ZNF385B: variants seen among roughly 807,000 people sequenced by gnomAD.
ZNF385B encodes zinc finger protein 385B.
ZNF385B carries 23 observed loss-of-function variants against 39.2 expected under a neutral mutation model. The observed-to-expected ratio is 0.59, with a 90% CI of 0.42 to 0.83. ZNF385B has a LOEUF of 0.83. Ranked by LOEUF, ZNF385B falls within the 40% of genes least tolerant of loss-of-function variation. The probability of loss-of-function intolerance (pLI) is 0.00; values close to 1 mark genes in which losing one functional copy is unlikely to be tolerated. For synonymous variants in ZNF385B, 205 were observed against 222.6 expected (o/e 0.92, Z 0.70); for missense variants, 552 against 598.9 (o/e 0.92, Z 0.82).
intron 3 of ZNF385B, among the ~76,000 whole-genome samples, chr2:179,548,545 A>G (rs1278933012): frequency 4.0e-5 from 6 of 149,556 alleles, no homozygotes; most frequent in Non-Finnish European, 5.9e-5. Context: ...CCATTTTCAT[A>G]CTGCTATGAA....
chr2:179,761,175 C>A (rs1703362127), intron 3 of ZNF385B, among the ~76,000 whole-genome samples: 1 of 152,130 alleles, frequency 6.6e-6, no homozygotes, highest in Non-Finnish European at 1.5e-5. Context: ...AGAGAGATCC[C>A]TCCTTTTTTC....
At chr2:179,614,439 T>C (rs1314746793) in intron 3 of ZNF385B, among the ~76,000 whole-genome samples, 1 of 152,246 alleles carries the variant, frequency 6.6e-6, no homozygotes, top group African/African-American at 2.4e-5. Context: ...TTTGTAGTCA[T>C]AATGAACATT....
chr2:179,524,494 G>C (rs902789819), intron 4 of ZNF385B, among the ~76,000 whole-genome samples: 12 of 138,750 alleles, frequency 8.6e-5, no homozygotes, highest in African/African-American at 3.0e-4. Flanking sequence ...AGAGCTTGCA[G>C]TGAGCCGAGA....
At position 179,720,718 on chromosome 2, in the gene ZNF385B, T is replaced by G. The variant is rs188702088; in HGVS notation, c.298+48785A>C. On this transcript the variant is annotated intron_variant, in intron 3 of 9. Coordinates refer to ENST00000410066, the MANE Select transcript of ZNF385B (RefSeq NM_152520.6). ...AACATAAAAGCATAACAAAGTTATATGCTCTTTATAAGAAATATAAAAGAA... is the reference window on the plus strand; with the variant it reads ...AACATAAAAGCATAACAAAGTTATAGGCTCTTTATAAGAAATATAAAAGAA... 5.0e-4 allele frequency among the ~76,000 whole-genome samples: 76 copies of G among 152,262 alleles called. 1 individual carries two copies. The highest frequency in any genetic ancestry group is 1.7e-3 in the African/African-American group (69 of 41,552).
chr2:179,554,398 G>A (rs2060775996), intron 3 of ZNF385B, among the ~76,000 whole-genome samples: 1 of 149,046 alleles, frequency 6.7e-6, no homozygotes, highest in South Asian at 2.2e-4. Flanking sequence ...GGGTATATAT[G>A]GAAGAATGGT....
At chr2:179,834,742 G>T (rs1339777858) in intron 1 of ZNF385B, among the ~76,000 whole-genome samples, 3 of 152,120 alleles carry the variant, frequency 2.0e-5, no homozygotes, top group African/African-American at 7.2e-5. Context: ...AAGAGAAAAA[G>T]ATATCTTTAC....
intron 3 of ZNF385B, among the ~76,000 whole-genome samples, chr2:179,665,338 T>C (rs1172637668): frequency 6.6e-6 from 1 of 152,258 alleles, no homozygotes; most frequent in South Asian, 2.1e-4. Context: ...TGCATCCATA[T>C]AGATGAGCAT....
In ZNF385B at chr2:179,442,793, T is replaced by C. The variant is rs567732713; in HGVS notation, c.*457A>G. ...AGTAAGCACTTGTGTTCACTGTTTT[T>C]TGTTCCACACTAGAATACACCCAGT... On this transcript the variant is annotated 3_prime_UTR_variant, in exon 10 of 10. Coordinates refer to ENST00000410066, the MANE Select transcript of ZNF385B (RefSeq NM_152520.6). The C allele has an allele frequency of 2.5e-4, 59 of 232,896 alleles. 1 individual carries two copies. The East Asian group carries it at 7.2e-3, about 28-fold the overall frequency. The allele number at this position is 232,896 out of a possible 1,614,324, so 14.4% of individuals were successfully genotyped here.
At chr2:179,751,833 T>C (rs1702694692) in intron 3 of ZNF385B, among the ~76,000 whole-genome samples, 1 of 152,124 alleles carries the variant, frequency 6.6e-6, no homozygotes, top group Non-Finnish European at 1.5e-5. Context: ...ACCCAGGTTT[T>C]ATTACCCTTA....
Position 179,483,426 on chromosome 2 carries a change from G to A in ZNF385B, c.561C>T (p.Ala187=), listed in dbSNP as rs144489648. The change falls in exon 6 of 10, where the codon GCC becomes GCT. Residue 187 remains alanine, a synonymous_variant. Transcript: ENST00000410066. ...GTTTACTTCCTTTGTAGTGGGCCTC[G>A]GCCTGGCTCTACAAAGGAGAACAAA... ...CQLRFNSDSQ[A]EAHYKGSKHA... is the part of the protein sequence containing the mutation. The A allele has an allele frequency of 1.2e-4, 194 of 1,613,778 alleles. No homozygotes were observed. In the African/African-American group the frequency reaches 2.3e-3, roughly 19 times the overall value.
intron 5 of ZNF385B, among the ~76,000 whole-genome samples, chr2:179,515,433 G>C (rs1268739238): frequency 6.6e-6 from 1 of 152,164 alleles, no homozygotes; most frequent in Non-Finnish European, 1.5e-5. Flanking sequence ...GAGAATGCCA[G>C]TGTTAAAGAT....
intron 3 of ZNF385B, among the ~76,000 whole-genome samples, chr2:179,567,997 C>G (rs1365739385): frequency 4.6e-5 from 7 of 152,164 alleles, no homozygotes; most frequent in Non-Finnish European, 7.4e-5. Context: ...TCATGTCACT[C>G]CAGTGGAACA....
intron 1 of ZNF385B, among the ~76,000 whole-genome samples, chr2:179,772,125 C>A (rs1361529956): frequency 6.6e-6 from 1 of 152,202 alleles, no homozygotes; most frequent in East Asian, 1.9e-4. Flanking sequence ...AAAAATAAAG[C>A]CATGTTACCT....
At chr2:179,675,384 T>C (rs371742282) in intron 3 of ZNF385B, among the ~76,000 whole-genome samples, 1 of 152,234 alleles carries the variant, frequency 6.6e-6, no homozygotes, top group Non-Finnish European at 1.5e-5. Context: ...AGTGGACCCA[T>C]GCAGTCCTAT....
chr2:179,687,132 G>A (rs942854004), intron 3 of ZNF385B, among the ~76,000 whole-genome samples: 29 of 151,506 alleles, frequency 1.9e-4, no homozygotes, highest in African/African-American at 7.0e-4. Flanking sequence ...ACTAAGAGCT[G>A]TCAAGAATAC....
chr2:179,493,354 T>C (rs1012929381), intron 5 of ZNF385B, among the ~76,000 whole-genome samples: 1 of 138,750 alleles, frequency 7.2e-6, no homozygotes, highest in Admixed American at 7.8e-5. Flanking sequence ...ATGGCATGTA[T>C]ATATATATGT....
At chr2:179,668,474 T>C (rs892248079) in intron 3 of ZNF385B, among the ~76,000 whole-genome samples, 1 of 152,208 alleles carries the variant, frequency 6.6e-6, no homozygotes, top group Non-Finnish European at 1.5e-5. Context: ...TCCTCCTTTA[T>C]TTCTATTTCA....
rs143576727 is a variant in ZNF385B, at chr2:179,665,234, G to C, written c.298+104269C>G. Among the ~76,000 whole-genome samples the C allele has an allele frequency of 5.0e-3, 760 of 152,248 alleles. 4 individuals carry two copies. Among genetic ancestry groups the C allele is most frequent in the African/African-American group, 0.017 (699 of 41,534 alleles). On this transcript the variant is annotated intron_variant, in intron 3 of 9. Coordinates refer to ENST00000410066, the MANE Select transcript of ZNF385B (RefSeq NM_152520.6). ...AAATAAACAACATAAAGGAAATGAG[G>C]ATAATGATAATACAATATTTATAGT...
chr2:179,782,033 A>T (rs1704696928), intron 1 of ZNF385B, among the ~76,000 whole-genome samples: 1 of 152,162 alleles, frequency 6.6e-6, no homozygotes, highest in Non-Finnish European at 1.5e-5. Flanking sequence ...ATACACAGAA[A>T]AGGAAACTTT....
Sources: gnomAD v4.1 joint callset for allele counts (sites outside exome capture counted in the v4.1 genomes callset) on GRCh38, gnomAD v4.1.1 for gene constraint, MANE v1.5 for transcripts, NCBI Gene and HGNC (gene_info 2026-07-23, HGNC 2026-07-21) for gene names.